Variants in KIF5A observed in about 807,000 individuals in gnomAD.
KIF5A encodes the protein kinesin heavy chain isoform 5A.
In KIF5A, 35 loss-of-function variants were observed where a neutral mutation model predicts 141.3. The observed-to-expected ratio is 0.25, with a 90% CI of 0.19 to 0.33. The LOEUF (loss-of-function observed/expected upper bound fraction) is 0.33. Among genes scored for constraint, KIF5A ranks in the 10% least tolerant of loss-of-function variants. The pLI is 1.00. For missense variants in KIF5A, 861 were observed against 1,314.3 expected (o/e 0.66, Z 5.33); for synonymous variants, 448 against 500.2 (o/e 0.90, Z 1.39).
chr12:57,572,905 C>G lies in KIF5A; in HGVS notation c.1716+179C>G, dbSNP rs544161470. Among the ~76,000 whole-genome samples the G allele has an allele frequency of 6.6e-6, 1 of 152,250 alleles. No homozygotes were observed. Among genetic ancestry groups the G allele is most frequent in the South Asian group, 2.1e-4 (1 of 4,824 alleles). On this transcript the variant is annotated intron_variant, in intron 15 of 28. Transcript: ENST00000455537. The surrounding 1 kb of genome is among the most constrained non-coding windows in gnomAD (Gnocchi z 4.2). Reference sequence around the variant, plus strand: ...ATAGACCCAATTGAAAAGATACATTCTAGGTTGGGCGCAGTGGCTCACCGC... The same window carrying G: ...ATAGACCCAATTGAAAAGATACATTGTAGGTTGGGCGCAGTGGCTCACCGC...
chr12:57,581,372 A>C lies in KIF5A; in HGVS notation c.2756-43A>C, dbSNP rs775246. ...TGACCTCAGGGACCAGGGCAAATGC[A>C]GGGTCATAGCCTCCTCATGGTTGTT... On this transcript the variant is annotated intron_variant, in intron 24 of 28. Coordinates refer to ENST00000455537, the MANE Select transcript of KIF5A (RefSeq NM_004984.4). The C allele has an allele frequency of 0.27, 431,101 of 1,611,178 alleles. 59,128 individuals are homozygous for C. The highest frequency in any genetic ancestry group is 0.28 in the Non-Finnish European group (332,972 of 1,179,346).
rs2140163565 is a variant in KIF5A, at chr12:57,569,997, G to A, written c.1128G>A (p.Val376=). The A allele has an allele frequency of 6.2e-7, 1 of 1,613,612 alleles. No individual in the cohort carries two copies. Among genetic ancestry groups the A allele is most frequent in the South Asian group, 1.1e-5 (1 of 91,062 alleles). The part of the protein sequence containing the change: ...ELSRWRNGEN[V]PETERLAGEE... ...CTTGCCCCTTTGCAGGAGAGAATGTGCCTGAGACAGAGCGCCTGGCTGGGG... is the reference window on the plus strand; with the variant it reads ...CTTGCCCCTTTGCAGGAGAGAATGTACCTGAGACAGAGCGCCTGGCTGGGG... Residue 376 remains valine, a synonymous_variant, in exon 12 of 29, where the codon GTG becomes GTA. Coordinates refer to ENST00000455537, the MANE Select transcript of KIF5A (RefSeq NM_004984.4).
Position 57,576,762 on chromosome 12 carries a change from C to A in KIF5A, c.2200C>A (p.Leu734Ile). The A allele has an allele frequency of 6.2e-7, 1 of 1,611,334 alleles. No individual in the cohort carries two copies. The highest frequency in any genetic ancestry group is 1.1e-5 in the South Asian group (1 of 90,928). ...CCATTACCTTCTGATGCTCTGTAGC[C>A]TAAATCAGAAGCTCCAGTTAGAGCT... ...KQKTIDELKDLNQKLQLELEK... is the reference protein window; with the variant it reads ...KQKTIDELKDINQKLQLELEK... Residue 734 changes from leucine to isoleucine, a missense_variant and splice_region_variant, in exon 20 of 29, where the codon CTA (leucine) becomes ATA (isoleucine). Coordinates refer to ENST00000455537, the MANE Select transcript of KIF5A (RefSeq NM_004984.4).
chr12:57,572,789 C>T lies in KIF5A; in HGVS notation c.1716+63C>T. On this transcript the variant is annotated intron_variant, in intron 15 of 28. Coordinates refer to ENST00000455537, the MANE Select transcript of KIF5A (RefSeq NM_004984.4). The surrounding 1 kb of genome is among the most constrained non-coding windows in gnomAD (Gnocchi z 4.2). ...CACTAGTGGAAGACGCAAGATGAGCCATCCAGGCCTTCACAGATACTGAGA... is the reference window on the plus strand; with the variant it reads ...CACTAGTGGAAGACGCAAGATGAGCTATCCAGGCCTTCACAGATACTGAGA... 6.3e-7 allele frequency: 1 copy of T among 1,588,778 alleles called. No individual in the cohort carries two copies.
At position 57,564,199 on chromosome 12, in the gene KIF5A, A is replaced by T; in HGVS notation, c.383A>T (p.Glu128Val). The change falls in exon 4 of 29, where the codon GAG becomes GTG. Residue 128 changes from glutamate to valine, a missense_variant. By Grantham distance (121) the Glu-to-Val change is moderately radical. Transcript: ENST00000455537. The part of the protein sequence containing the change: ...NHIYSMDENL[E>V]FHIKVSYFEI... Reference sequence around the variant, plus strand: ...ATCTACTCCATGGATGAGAACCTTGAGTTCCACATCAAGGTGACCAGGGCA... The same window carrying T: ...ATCTACTCCATGGATGAGAACCTTGTGTTCCACATCAAGGTGACCAGGGCA... 1 of 1,610,570 alleles carries T rather than the reference A, an allele frequency of 6.2e-7. No individual in the cohort carries two copies.
chr12:57,577,111 A>G (rs1882452722), intron 20 of KIF5A, among the ~76,000 whole-genome samples: 1 of 152,252 alleles, frequency 6.6e-6, no homozygotes, highest in South Asian at 2.1e-4. Flanking sequence ...TATGCATGGT[A>G]TGATCCCATA....
At chr12:57,581,993 A>G (rs748416445) in intron 26 of KIF5A, 41 bp downstream of exon 26, 1 of 1,530,898 alleles carries the variant, frequency 6.5e-7, no homozygotes, top group Non-Finnish European at 9.1e-7. Context: ...TGGGGTCCTC[A>G]GGGCAAGTTG....
chr12:57,576,310 T>C lies in KIF5A; in HGVS notation c.2130T>C (p.His710=), dbSNP rs1487959633. The part of the protein sequence containing the change: ...ELQMESHREA[H]HRQLARLRDE... ...AGATGGAGAGTCACCGGGAGGCCCA[T>C]CACCGGCAGCTGGCCCGGCTCCGGG... The change falls in exon 19 of 29, where the codon CAT becomes CAC. Residue 710 remains histidine, a synonymous_variant. Coordinates refer to ENST00000455537, the MANE Select transcript of KIF5A (RefSeq NM_004984.4). 1.2e-6 allele frequency: 2 copies of C among 1,614,016 alleles called. No homozygotes were observed. Among genetic ancestry groups the C allele is most frequent in the Non-Finnish European group, 1.7e-6 (2 of 1,179,946 alleles).
chr12:57,583,166 C>T lies in KIF5A; in HGVS notation c.3086C>T (p.Thr1029Ile). The T allele has an allele frequency of 1.2e-6, 2 of 1,613,934 alleles. No homozygotes were observed. Among genetic ancestry groups the T allele is most frequent in the Non-Finnish European group, 1.7e-6 (2 of 1,179,900 alleles). The change falls in exon 28 of 29, where the codon ACA becomes ATA. Residue 1029 changes from threonine to isoleucine, a missense_variant. By Grantham distance (89) the Thr-to-Ile change is moderately conservative. Around this residue, in one of 5 missense-constraint regions of KIF5A, gnomAD observed 482 missense variants for 661.3 expected, o/e 0.73. Transcript: ENST00000455537. ...QAKLFPLHQE[T>I]AAS ...AAGCTTTTCCCTCTCCACCAAGAGACAGCAGCCAGCTAATCTCCCACACCC... is the reference window on the plus strand; with the variant it reads ...AAGCTTTTCCCTCTCCACCAAGAGATAGCAGCCAGCTAATCTCCCACACCC...
rs1419031330 is a variant in KIF5A at position 57,578,395 on chromosome 12, T to C, written c.2538+53T>C. 29 of 1,224,088 alleles carry C rather than the reference T, an allele frequency of 2.4e-5. No individual in the cohort carries two copies. In the Admixed American group the frequency reaches 4.7e-4, roughly 20 times the overall value. The allele number at this position is 1,224,088 out of a possible 1,614,324, so 75.8% of individuals were successfully genotyped here. On this transcript the variant is annotated intron_variant, in intron 23 of 28. Coordinates refer to ENST00000455537, the MANE Select transcript of KIF5A (RefSeq NM_004984.4). Reference sequence around the variant, plus strand: ...AATTTTTGAGGCCGGGTAGCTAGCATACCAAATCCTCAGAGGCCCCTTGGA... The same window carrying C: ...AATTTTTGAGGCCGGGTAGCTAGCACACCAAATCCTCAGAGGCCCCTTGGA...
intron 21 of KIF5A, 89 bp downstream of exon 21, chr12:57,577,862 C>A: frequency 1.5e-6 from 2 of 1,306,658 alleles, no homozygotes; most frequent in African/African-American, 1.5e-5. Context: ...TGCCCTTTTG[C>A]AGCCATTCTG....
chr12:57,583,165 A>G lies in KIF5A; in HGVS notation c.3085A>G (p.Thr1029Ala), dbSNP rs1276293459. 1 of 1,613,676 alleles carries G rather than the reference A, an allele frequency of 6.2e-7. No individual in the cohort carries two copies. The highest frequency in any genetic ancestry group is 8.5e-7 in the Non-Finnish European group (1 of 1,179,912). The change falls in exon 28 of 29, where the codon ACA becomes GCA. Residue 1029 changes from threonine to alanine, a missense_variant. Coordinates refer to ENST00000455537, the MANE Select transcript of KIF5A (RefSeq NM_004984.4). ...QAKLFPLHQE[T>A]AAS ...CAAGCTTTTCCCTCTCCACCAAGAG[A>G]CAGCAGCCAGCTAATCTCCCACACC...
chr12:57,579,848 A>T (rs1357007384), intron 23 of KIF5A, among the ~76,000 whole-genome samples: 11 of 152,218 alleles, frequency 7.2e-5, no homozygotes. Context: ...ACACAACCAC[A>T]CACTGTTTCC....
chr12:57,579,834 A>G (rs1247160308), intron 23 of KIF5A, among the ~76,000 whole-genome samples: 2 of 152,162 alleles, frequency 1.3e-5, no homozygotes, highest in Non-Finnish European at 2.9e-5. Flanking sequence ...ATTTCCATGA[A>G]AAAACACAAC....
At chr12:57,561,063 A>T (rs1881895600) in intron 1 of KIF5A, among the ~76,000 whole-genome samples, 1 of 152,124 alleles carries the variant, frequency 6.6e-6, no homozygotes, top group African/African-American at 2.4e-5. Flanking sequence ...TGTTTGATAC[A>T]GGGTCTCTCT....
At chr12:57,575,576 C>A in intron 16 of KIF5A, 64 bp from the exon 17 acceptor site, 2 of 1,321,076 alleles carry the variant, frequency 1.5e-6, no homozygotes, top group Non-Finnish European at 2.2e-6. Flanking sequence ...AGTTGGAGAT[C>A]TGTGTGGCCT....
intron 13 of KIF5A, 144 bp from the exon 14 acceptor site, chr12:57,571,917 T>G: frequency 1.4e-6 from 1 of 718,814 alleles, no homozygotes; most frequent in Admixed American, 2.2e-5. Context: ...CTTCATTCTG[T>G]TGCCCTATTT....
chr12:57,569,439 C>A, intron 10 of KIF5A, 35 bp downstream of exon 10: 2 of 1,613,732 alleles, frequency 1.2e-6, no homozygotes, highest in South Asian at 1.1e-5. Context: ...ATCCCTGGTA[C>A]CCAGCTTCCC....
chr12:57,576,002 C>T, intron 17 of KIF5A, 85 bp from the exon 18 acceptor site: 1 of 1,334,138 alleles, frequency 7.5e-7, no homozygotes, highest in Middle Eastern at 1.8e-4. Context: ...CCATTCCCAG[C>T]CCTGCCTGGA....
Sources: allele counts gnomAD v4.1 joint callset (sites outside exome capture counted in the v4.1 genomes callset), GRCh38; gene constraint gnomAD v4.1.1; regional missense constraint gnomAD v4.1.1; non-coding constraint Gnocchi (gnomAD v3.1); transcripts MANE v1.5; gene names NCBI Gene and HGNC (gene_info 2026-07-23, HGNC 2026-07-21).